SNTB1: variants seen among roughly 807,000 people sequenced by gnomAD.
The protein encoded by SNTB1 is beta-1-syntrophin.
SNTB1 carries 36 observed loss-of-function variants against 48.9 expected under a neutral mutation model. The ratio of observed to expected loss-of-function variants is 0.74; its 90% confidence interval spans 0.56 to 0.97. The LOEUF is 0.97. SNTB1 is among the 50% of genes least tolerant of loss of function. The pLI is 0.00. For missense variants in SNTB1, 786 were observed against 703.4 expected, an observed-to-expected ratio of 1.12 and a Z score of -1.33; for synonymous variants, 299 against 294.6, an observed-to-expected ratio of 1.01 and a Z score of -0.15.
intron 1 of SNTB1, among the ~76,000 whole-genome samples, chr8:120,788,079 T>C (rs1819957398): frequency 6.6e-6 from 1 of 152,154 alleles, no homozygotes; most frequent in African/African-American, 2.4e-5. Flanking sequence ...ATCTTTAGTC[T>C]CCTTAAATAG....
At chr8:120,605,589 T>A (rs1816500629) in intron 3 of SNTB1, among the ~76,000 whole-genome samples, 1 of 152,174 alleles carries the variant, frequency 6.6e-6, no homozygotes, top group Non-Finnish European at 1.5e-5. Flanking sequence ...TCCTGCTTGG[T>A]AGGTGTCCAG....
chr8:120,800,478 T>C (rs1007169001), intron 1 of SNTB1, among the ~76,000 whole-genome samples: 3 of 151,872 alleles, frequency 2.0e-5, no homozygotes, highest in Non-Finnish European at 4.4e-5. Flanking sequence ...CCAGTGAAAC[T>C]AGGGAGTAAA....
intron 1 of SNTB1, among the ~76,000 whole-genome samples, chr8:120,717,374 A>G (rs530923334): frequency 6.6e-6 from 1 of 152,346 alleles, no homozygotes; most frequent in African/African-American, 2.4e-5. Flanking sequence ...CGAGAGCTAG[A>G]ACACAGAGCC....
At chr8:120,743,736 A>T (rs73323131) in intron 1 of SNTB1, among the ~76,000 whole-genome samples, 19,988 of 152,208 alleles carry the variant, frequency 0.13, 1,716 homozygotes, top group African/African-American at 0.24. Context: ...TGAAATAGCC[A>T]AAATCTGTTC....
At chr8:120,691,761 T>G (rs1210523385) in intron 2 of SNTB1, among the ~76,000 whole-genome samples, 1 of 152,142 alleles carries the variant, frequency 6.6e-6, no homozygotes, top group Non-Finnish European at 1.5e-5. Context: ...AAAAAACATA[T>G]CTGTAGGCTG....
At chr8:120,791,675 T>C (rs779130535) in intron 1 of SNTB1, among the ~76,000 whole-genome samples, 3 of 151,930 alleles carry the variant, frequency 2.0e-5, no homozygotes, top group East Asian at 1.9e-4. Context: ...AAAGAAGATA[T>C]ACAAATTCCA....
At chr8:120,550,362 G>A (rs767282420) in intron 4 of SNTB1, among the ~76,000 whole-genome samples, 5 of 151,686 alleles carry the variant, frequency 3.3e-5, no homozygotes, top group Non-Finnish European at 4.4e-5. Flanking sequence ...GCCAACATGC[G>A]GAAACCCCGT....
chr8:120,707,342 C>T (rs114076354), intron 1 of SNTB1, among the ~76,000 whole-genome samples: 259 of 152,266 alleles, frequency 1.7e-3, no homozygotes, highest in African/African-American at 6.0e-3. Context: ...GACTTCACTG[C>T]GCTTCTGCAC....
At chr8:120,705,262 C>T (rs1818362754) in intron 1 of SNTB1, among the ~76,000 whole-genome samples, 1 of 152,200 alleles carries the variant, frequency 6.6e-6, no homozygotes, top group South Asian at 2.1e-4. Flanking sequence ...TACTTGGTTT[C>T]CCCAAATGCT....
intron 2 of SNTB1, among the ~76,000 whole-genome samples, chr8:120,649,679 C>G (rs1817372504): frequency 6.6e-6 from 1 of 151,526 alleles, no homozygotes; most frequent in Non-Finnish European, 1.5e-5. Context: ...CCTCCTTGAG[C>G]TGTGGTGGGC....
intron 3 of SNTB1, among the ~76,000 whole-genome samples, chr8:120,596,082 G>A (rs947624604): frequency 6.6e-6 from 1 of 152,112 alleles, no homozygotes; most frequent in Admixed American, 6.6e-5. Flanking sequence ...AATGACATAC[G>A]TATAATCACA....
At chr8:120,716,133 C>T (rs891610845) in intron 1 of SNTB1, among the ~76,000 whole-genome samples, 2 of 152,028 alleles carry the variant, frequency 1.3e-5, no homozygotes, top group Admixed American at 1.3e-4. Flanking sequence ...AGGGCTGAGC[C>T]CATAGTTGGT....
intron 3 of SNTB1, among the ~76,000 whole-genome samples, chr8:120,578,595 A>G (rs1815987585): frequency 1.3e-5 from 2 of 152,208 alleles, no homozygotes; most frequent in South Asian, 4.1e-4. Flanking sequence ...CTAATGAAGA[A>G]GGTGAAGAAA....
intron 1 of SNTB1, among the ~76,000 whole-genome samples, chr8:120,736,858 G>C (rs1818951570): frequency 6.6e-6 from 1 of 152,122 alleles, no homozygotes; most frequent in African/African-American, 2.4e-5. Context: ...AATCACACCT[G>C]GGGGAGGTAT....
rs1234507818 is a variant in SNTB1, at chr8:120,537,190, G to A, written c.*1687C>T. The A allele has an allele frequency of 1.3e-5, 2 of 150,300 alleles. No individual in the cohort carries two copies. Among genetic ancestry groups the A allele is most frequent in the African/African-American group, 4.9e-5 (2 of 40,892 alleles). 9.3% of individuals were successfully genotyped at this position (150,300 alleles called of 1,614,324 possible). ...ACAAAAAAACCCACTAGCTTCACAAGATGCTCCATTAGAAAAGAGTCCTGT... is the reference window on the plus strand; with the variant it reads ...ACAAAAAAACCCACTAGCTTCACAAAATGCTCCATTAGAAAAGAGTCCTGT... On this transcript the variant is annotated 3_prime_UTR_variant, in exon 7 of 7. Coordinates refer to ENST00000517992, the MANE Select transcript of SNTB1 (RefSeq NM_021021.4).
intron 1 of SNTB1, among the ~76,000 whole-genome samples, chr8:120,803,509 A>G (rs1820268025): frequency 6.6e-6 from 1 of 152,198 alleles, no homozygotes; most frequent in Non-Finnish European, 1.5e-5. Flanking sequence ...TTTGAAGTGC[A>G]TCATTTGAAA....
At chr8:120,807,456 A>G (rs1820353773) in intron 1 of SNTB1, among the ~76,000 whole-genome samples, 1 of 152,204 alleles carries the variant, frequency 6.6e-6, no homozygotes, top group African/African-American at 2.4e-5. Context: ...CCTTAAAATG[A>G]GAAATGAGCT....
At chr8:120,804,250 TC>T (rs1820286441) in intron 1 of SNTB1, among the ~76,000 whole-genome samples, 1 of 151,524 alleles carries the variant, frequency 6.6e-6, no homozygotes, top group South Asian at 2.1e-4. Context: ...CTTTATTCCT[TC>T]CTCTTTCCTT....
intron 3 of SNTB1, among the ~76,000 whole-genome samples, chr8:120,588,391 C>T (rs1180476698): frequency 6.8e-6 from 1 of 146,108 alleles, no homozygotes; most frequent in Admixed American, 7.0e-5. Flanking sequence ...ACTAACCAAC[C>T]AAACAAAAAA....
Sources: allele counts gnomAD v4.1 joint callset (sites outside exome capture counted in the v4.1 genomes callset), GRCh38; gene constraint gnomAD v4.1.1; transcripts MANE v1.5; gene names NCBI Gene and HGNC (gene_info 2026-07-23, HGNC 2026-07-21).